Variants in COL13A1 observed in about 807,000 individuals in gnomAD.
COL13A1 encodes the protein collagen alpha-1(XIII) chain.
COL13A1 carries 89 observed loss-of-function variants against 130.9 expected under a neutral mutation model. The ratio of observed to expected loss-of-function variants is 0.68; its 90% confidence interval spans 0.57 to 0.81. COL13A1 has a LOEUF of 0.81. COL13A1 is among the 30% of genes least tolerant of loss of function. The probability of loss-of-function intolerance (pLI) is 0.00; values close to 1 mark genes in which losing one functional copy is unlikely to be tolerated. For missense variants in COL13A1, 879 were observed against 934.6 expected (o/e 0.94, Z 0.78); for synonymous variants, 402 against 341.6 (o/e 1.18, Z -1.95).
intron 3 of COL13A1, among the ~76,000 whole-genome samples, chr10:69,870,950 T>G (rs1200321038): frequency 2.0e-5 from 3 of 151,952 alleles, no homozygotes; most frequent in African/African-American, 7.3e-5. Flanking sequence ...GAAATAAGTT[T>G]CCCTCATGTG....
At position 69,878,047 on chromosome 10, in the gene COL13A1, G is replaced by A. The variant is rs756869472; in HGVS notation, c.444G>A (p.Lys148=). The A allele has an allele frequency of 2.5e-4, 176 of 702,828 alleles. No individual in the cohort carries two copies. The highest frequency in any genetic ancestry group is 3.9e-4 in the Non-Finnish European group (152 of 385,018). The allele number at this position is 702,828 out of a possible 1,614,324, so 43.5% of individuals were successfully genotyped here. The change falls in exon 6 of 41, where the codon AAG becomes AAA. Residue 148 remains lysine, a synonymous_variant. Transcript: ENST00000645393. ...GCATGTGGCTGCCCCAGGGAGTAAA[G>A]GGCCAACCAGGCGAGAAGGTGAGTC... The part of the protein sequence containing the change: ...AIGMPGRVGV[K]GQPGEKGSPG...
Position 69,880,590 on chromosome 10 carries a change from G to A in COL13A1, c.513+37G>A, listed in dbSNP as rs757686662. 3.1e-6 allele frequency: 5 copies of A among 1,609,056 alleles called. No homozygotes were observed. The South Asian group carries it at 3.3e-5, about 11-fold the overall frequency. On this transcript the variant is annotated intron_variant, in intron 7 of 40. Transcript: ENST00000645393. ...TTGCTCTTCCTCGGGGTGTTGGGGG[G>A]ATGGGTGAGTTGATGAAAAGGGCTT...
In COL13A1 at chr10:69,836,178, A is replaced by G. The variant is rs575390529; in HGVS notation, c.364+13740A>G. On this transcript the variant is annotated intron_variant, in intron 2 of 40. Coordinates refer to ENST00000645393, the MANE Select transcript of COL13A1 (RefSeq NM_001368882.1). The stretch of plus-strand genomic sequence containing the variant: ...CATGCCCCATCCTCAGGAGACAGAG[A>G]AGAGCCCACAGTCCAGGAAGGGGAA... Among the ~76,000 whole-genome samples, 7 of 152,348 alleles carry G rather than the reference A, an allele frequency of 4.6e-5. No individual in the cohort carries two copies. In the South Asian group the frequency reaches 1.5e-3, roughly 32 times the overall value.
chr10:69,956,641 C>A (rs2070750681), intron 39 of COL13A1: 1 of 222,794 alleles, frequency 4.5e-6, no homozygotes, highest in Non-Finnish European at 9.3e-6. Context: ...GAGGAGGAAA[C>A]TGAGGCCGCC....
At chr10:69,852,110 C>T (rs374420869) in intron 2 of COL13A1, among the ~76,000 whole-genome samples, 2 of 152,114 alleles carry the variant, frequency 1.3e-5, no homozygotes, top group South Asian at 2.1e-4. Flanking sequence ...TCTCTCGTGC[C>T]GCCTCTTCAT....
intron 2 of COL13A1, among the ~76,000 whole-genome samples, chr10:69,838,471 G>A (rs576590741): frequency 6.6e-6 from 1 of 152,354 alleles, no homozygotes; most frequent in East Asian, 1.9e-4. Context: ...TGAGATGAAG[G>A]AGATGTATGT....
At chr10:69,917,126 G>A (rs1289503002) in intron 17 of COL13A1, among the ~76,000 whole-genome samples, 163 bp from the exon 18 acceptor site, 1 of 152,184 alleles carries the variant, frequency 6.6e-6, no homozygotes, top group Non-Finnish European at 1.5e-5. Context: ...ACATAGCTGA[G>A]GACAGGGGCC....
At position 69,802,644 on chromosome 10, in the gene COL13A1, G is replaced by A. The variant is rs375168437; in HGVS notation, c.221G>A (p.Arg74His). ...RTAELQARVL[R>H]LEAERGEQQM... ...GCCGAGCTGCAGGCCCGGGTGCTGC[G>A]CCTGGAAGCGGAGCGCGGGGAGCAG... The change falls in exon 1 of 41, where the codon CGC (arginine) becomes CAC (histidine). Residue 74 changes from arginine (R) to histidine (H), a missense_variant. This residue lies in a region of COL13A1 where 715 missense variants were observed against 721.0 expected (regional missense o/e 0.99). Coordinates refer to ENST00000645393, the MANE Select transcript of COL13A1 (RefSeq NM_001368882.1). 27 of 1,613,372 alleles carry A rather than the reference G, an allele frequency of 1.7e-5. No homozygotes were observed. Among genetic ancestry groups the A allele is most frequent in the Middle Eastern group, 1.7e-4 (1 of 5,976 alleles).
chr10:69,894,747 C>G, intron 12 of COL13A1, 46 bp downstream of exon 12: 1 of 1,611,812 alleles, frequency 6.2e-7, no homozygotes, highest in Non-Finnish European at 8.5e-7. Flanking sequence ...CAGGAAATGG[C>G]CTCCCAGTTG....
chr10:69,927,022 A>G lies in COL13A1; in HGVS notation c.1399-65A>G, dbSNP rs190759183. ...AGCTCCCATGTTTCCATGACTGTGC[A>G]GTGAGAACCTTCCACTTGGCTCTTG... is the stretch of plus-strand genomic sequence containing the variant. On this transcript the variant is annotated intron_variant, in intron 26 of 40. Transcript: ENST00000645393. The G allele has an allele frequency of 4.1e-3, 6,590 of 1,609,222 alleles. 20 individuals are homozygous for G. The highest frequency in any genetic ancestry group is 5.1e-3 in the Non-Finnish European group (6,034 of 1,175,950).
At chr10:69,820,500 A>T (rs1005147558) in intron 1 of COL13A1, among the ~76,000 whole-genome samples, 3 of 152,236 alleles carry the variant, frequency 2.0e-5, no homozygotes, top group Non-Finnish European at 4.4e-5. Flanking sequence ...AGGTTCGTAC[A>T]GTCCCTTACA....
intron 14 of COL13A1, among the ~76,000 whole-genome samples, chr10:69,902,179 T>C (rs190079102): frequency 2.0e-5 from 3 of 152,312 alleles, no homozygotes; most frequent in African/African-American, 7.2e-5. Context: ...AAATTTTATA[T>C]GTAAAGTCTC....
chr10:69,953,813 C>G (rs1180333067), intron 39 of COL13A1: 2 of 152,774 alleles, frequency 1.3e-5, no homozygotes, highest in African/African-American at 4.8e-5. Flanking sequence ...GGGGGATCAC[C>G]TGGGATTTAG....
chr10:69,945,570 G>A, intron 36 of COL13A1, 101 bp from the exon 37 acceptor site: 6 of 1,500,258 alleles, frequency 4.0e-6, no homozygotes, highest in Non-Finnish European at 5.4e-6. Flanking sequence ...GCTCTTGAGG[G>A]GACTGGAGAG....
chr10:69,864,285 T>A (rs1191088455), intron 2 of COL13A1, among the ~76,000 whole-genome samples: 1 of 150,770 alleles, frequency 6.6e-6, no homozygotes, highest in Non-Finnish European at 1.5e-5. Flanking sequence ...ACTGTGTCTA[T>A]GTCTGCCGCA....
intron 1 of COL13A1, among the ~76,000 whole-genome samples, chr10:69,807,394 C>A (rs2132126473): frequency 6.6e-6 from 1 of 152,244 alleles, no homozygotes; most frequent in East Asian, 1.9e-4. Flanking sequence ...GTTAAGGAAC[C>A]CCAGGCAGAC....
intron 7 of COL13A1, among the ~76,000 whole-genome samples, chr10:69,883,019 C>T (rs1285247249): frequency 6.6e-6 from 1 of 152,212 alleles, no homozygotes; most frequent in Non-Finnish European, 1.5e-5. Flanking sequence ...ATGAAACTTT[C>T]CACTCAGCCA....
Position 69,894,598 on chromosome 10 carries a change from A to C in COL13A1, c.630+20A>C. ...CAGCCGGTTGGTACCTCATCCATCT[A>C]TTTCCCAGCAGAGAAGCTTCCGGTG... On this transcript the variant is annotated intron_variant, in intron 11 of 40. Transcript: ENST00000645393. 1 of 1,613,736 alleles carries C rather than the reference A, an allele frequency of 6.2e-7. No homozygotes were observed. The highest frequency in any genetic ancestry group is 8.5e-7 in the Non-Finnish European group (1 of 1,179,866).
chr10:69,946,429 C>T (rs778748756), intron 37 of COL13A1, among the ~76,000 whole-genome samples: 3 of 152,224 alleles, frequency 2.0e-5, no homozygotes, highest in Admixed American at 6.5e-5. Context: ...CTTTCCATCA[C>T]GGCATGCTTT....
Sources: gnomAD v4.1 joint callset for allele counts (sites outside exome capture counted in the v4.1 genomes callset) on GRCh38, gnomAD v4.1.1 for gene constraint, gnomAD v4.1.1 regional missense constraint, MANE v1.5 for transcripts, NCBI Gene and HGNC (gene_info 2026-07-23, HGNC 2026-07-21) for gene names.